THSD4: variants seen among roughly 807,000 people sequenced by gnomAD.
THSD4 encodes the protein thrombospondin type-1 domain-containing protein 4.
Under a neutral mutation model 119.0 loss-of-function variants are expected in THSD4, and 69 were observed. That is an observed-to-expected ratio of 0.58 (90% CI 0.48 to 0.71). The LOEUF is 0.71. THSD4 is among the 30% of genes least tolerant of loss of function. The pLI, the probability that THSD4 is intolerant of heterozygous loss-of-function variation, is 0.00. For synonymous variants in THSD4, 524 were observed against 540.4 expected (o/e 0.97, Z 0.42); for missense variants, 1,393 against 1,391.1 (o/e 1.00, Z -0.02).
chr15:71,437,276 C>CTT (rs925124259), intron 7 of THSD4, among the ~76,000 whole-genome samples: 14 of 152,254 alleles, frequency 9.2e-5, no homozygotes, highest in Non-Finnish European at 1.9e-4. Context: ...GGTCCAAACA[C>CTT]TTGCCACTAG....
intron 6 of THSD4, among the ~76,000 whole-genome samples, chr15:71,400,606 A>G (rs565460690): frequency 2.0e-5 from 3 of 152,310 alleles, no homozygotes; most frequent in African/African-American, 4.8e-5. Flanking sequence ...TGGATTAGTT[A>G]CTAGACCAAA....
intron 7 of THSD4, among the ~76,000 whole-genome samples, chr15:71,522,595 G>C (rs891599100): frequency 6.6e-6 from 1 of 152,218 alleles, no homozygotes; most frequent in Non-Finnish European, 1.5e-5. Flanking sequence ...ACCAATTCTG[G>C]ATGTCATGGT....
chr15:71,762,904 C>T (rs571579707), intron 15 of THSD4, among the ~76,000 whole-genome samples: 2 of 152,192 alleles, frequency 1.3e-5, no homozygotes, highest in East Asian at 3.9e-4. Context: ...AACCCCATCT[C>T]TACTAAAAAT....
intron 3 of THSD4, among the ~76,000 whole-genome samples, chr15:71,184,441 A>G (rs1044272019): frequency 2.0e-5 from 3 of 151,816 alleles, no homozygotes; most frequent in African/African-American, 7.2e-5. Context: ...AGTTACACAG[A>G]TGGTTAACTT....
intron 1 of THSD4, among the ~76,000 whole-genome samples, chr15:71,121,219 AGGTC>A (rs2040406570): frequency 6.6e-6 from 1 of 152,304 alleles, no homozygotes; most frequent in East Asian, 1.9e-4. Flanking sequence ...CTCTGGAGCC[AGGTC>A]CTGAGTTTGA....
intron 1 of THSD4, among the ~76,000 whole-genome samples, chr15:71,117,164 T>C (rs1291255850): frequency 6.6e-6 from 1 of 152,098 alleles, no homozygotes; most frequent in Non-Finnish European, 1.5e-5. Flanking sequence ...GGCTGGCCAG[T>C]GGAACTCATG....
At chr15:71,764,824 T>G (rs2053687062) in intron 15 of THSD4, among the ~76,000 whole-genome samples, 196 bp from the exon 16 acceptor site, 1 of 152,240 alleles carries the variant, frequency 6.6e-6, no homozygotes, top group South Asian at 2.1e-4. Flanking sequence ...TAGTCTGCAT[T>G]TGGAGACAGA....
intron 7 of THSD4, among the ~76,000 whole-genome samples, chr15:71,619,901 C>A (rs1384778730): frequency 6.6e-6 from 1 of 152,176 alleles, no homozygotes; most frequent in Non-Finnish European, 1.5e-5. Context: ...CTTAATATTT[C>A]TTCTGTTCAG....
intron 7 of THSD4, among the ~76,000 whole-genome samples, chr15:71,516,387 T>A (rs2048361878): frequency 6.6e-6 from 1 of 152,180 alleles, no homozygotes; most frequent in South Asian, 2.1e-4. Flanking sequence ...ACCTCACGGC[T>A]TGGCTTAAAA....
At chr15:71,285,663 G>GCTGGGTTCC (rs2044706581) in intron 6 of THSD4, among the ~76,000 whole-genome samples, 1 of 152,046 alleles carries the variant, frequency 6.6e-6, no homozygotes, top group East Asian at 1.9e-4. Flanking sequence ...AGACCAGTCT[G>GCTGGGTTCC]GCCAATATGG....
At chr15:71,494,581 G>T (rs2047980938) in intron 7 of THSD4, among the ~76,000 whole-genome samples, 1 of 151,250 alleles carries the variant, frequency 6.6e-6, no homozygotes, top group Non-Finnish European at 1.5e-5. Context: ...GACCCCAAGA[G>T]AAATACCTTC....
intron 14 of THSD4, among the ~76,000 whole-genome samples, chr15:71,754,079 C>CTTTTTTTTTT (rs5813663): frequency 1.2e-5 from 1 of 84,354 alleles, no homozygotes; most frequent in Non-Finnish European, 2.5e-5. Flanking sequence ...ACCTTTTATT[C>CTTTTTTTTTT]TTTTTTTTTT....
At chr15:71,670,568 T>C (rs1263982086) in intron 8 of THSD4, among the ~76,000 whole-genome samples, 1 of 151,990 alleles carries the variant, frequency 6.6e-6, no homozygotes, top group Non-Finnish European at 1.5e-5. Flanking sequence ...TACATATGTA[T>C]ACATGTGCCA....
chr15:71,304,835 A>T (rs1283773318), intron 6 of THSD4, among the ~76,000 whole-genome samples: 1 of 152,276 alleles, frequency 6.6e-6, no homozygotes, highest in Non-Finnish European at 1.5e-5. Flanking sequence ...AGAGTGGTAG[A>T]ATATAAAAGC....
chr15:71,479,894 C>A (rs1031851980), intron 7 of THSD4, among the ~76,000 whole-genome samples: 1 of 152,130 alleles, frequency 6.6e-6, no homozygotes, highest in Admixed American at 6.6e-5. Context: ...TATATTCTTC[C>A]CCCTCAGAGA....
intron 1 of THSD4, among the ~76,000 whole-genome samples, chr15:71,120,965 A>T (rs1320920917): frequency 6.6e-6 from 1 of 152,246 alleles, no homozygotes; most frequent in East Asian, 1.9e-4. Context: ...TTGGAGGCAC[A>T]GTCAGGAGAG....
At chr15:71,665,146 G>A (rs936576289) in intron 8 of THSD4, among the ~76,000 whole-genome samples, 2 of 152,022 alleles carry the variant, frequency 1.3e-5, no homozygotes, top group African/African-American at 4.8e-5. Flanking sequence ...CCATAACCTC[G>A]CCAGCATCTG....
intron 4 of THSD4, among the ~76,000 whole-genome samples, chr15:71,218,041 G>A (rs1379824327): frequency 6.6e-6 from 1 of 151,152 alleles, no homozygotes; most frequent in Non-Finnish European, 1.5e-5. Flanking sequence ...CAAAGTGTTG[G>A]GATTACAGGC....
intron 7 of THSD4, among the ~76,000 whole-genome samples, chr15:71,462,477 G>A (rs894418402): frequency 6.6e-6 from 1 of 152,166 alleles, no homozygotes; most frequent in African/African-American, 2.4e-5. Context: ...AATGAATGCA[G>A]ACATACATTC....
Sources: gnomAD v4.1 joint callset for allele counts (sites outside exome capture counted in the v4.1 genomes callset) on GRCh38, gnomAD v4.1.1 for gene constraint, MANE v1.5 for transcripts, NCBI Gene and HGNC (gene_info 2026-07-23, HGNC 2026-07-21) for gene names.